The following HERC1 variants were observed in gnomAD, a reference collection of about 807,000 sequenced individuals.
The protein encoded by HERC1 is HECT and RLD domain containing E3 ubiquitin protein ligase family member 1, also known as probable E3 ubiquitin-protein ligase HERC1.
A neutral mutation model predicts 554.3 loss-of-function variants in HERC1; 160 were observed. The observed-to-expected ratio is 0.29, with a 90% CI of 0.25 to 0.33. HERC1 has a LOEUF of 0.33. Among genes scored for constraint, HERC1 ranks in the 10% least tolerant of loss-of-function variants. The probability of loss-of-function intolerance (pLI) is 1.00; values close to 1 mark genes in which losing one functional copy is unlikely to be tolerated. For synonymous variants in HERC1, 2,175 were observed against 2,131.7 expected, an observed-to-expected ratio of 1.02 and a Z score of -0.56; for missense variants, 4,919 against 5,918.5, an observed-to-expected ratio of 0.83 and a Z score of 5.54.
intron 55 of HERC1, among the ~76,000 whole-genome samples, chr15:63,646,535 CTCA>C (rs1294761445): frequency 5.3e-5 from 8 of 150,668 alleles, no homozygotes; most frequent in Non-Finnish European, 4.4e-5. Flanking sequence ...GGCACCGTGG[CTCA>C]CGCCCGTAAT....
At chr15:63,624,118 A>T (rs755085944) in intron 72 of HERC1, 40 bp downstream of exon 72, 1 of 1,538,624 alleles carries the variant, frequency 6.5e-7, no homozygotes. Flanking sequence ...CATCTGAAAA[A>T]ATCACAGCTC....
Position 63,661,903 on chromosome 15 carries a change from T to A in HERC1, c.9020A>T (p.Asn3007Ile), listed in dbSNP as rs2070377785. 5 of 1,613,966 alleles carry A rather than the reference T, an allele frequency of 3.1e-6. No individual in the cohort carries two copies. Reference protein sequence around the residue: ...RNHPGCGRSANRQGYRSNGSY... With the variant: ...RNHPGCGRSAIRQGYRSNGSY... ...ACCATTGCTGCGATAGCCCTGGCGG[T>A]TTGCACTGCGCCCACAGCCTGGATG... The change falls in exon 45 of 78, where the codon AAC becomes ATC. Residue 3007 changes from asparagine (N) to isoleucine (I), a missense_variant. Coordinates refer to ENST00000443617, the MANE Select transcript of HERC1 (RefSeq NM_003922.4).
Position 63,756,820 on chromosome 15 carries a change from T to C in HERC1, c.1222-72A>G. 1.1e-6 allele frequency: 1 copy of C among 886,848 alleles called. No homozygotes were observed. The highest frequency in any genetic ancestry group is 2.7e-5 in the East Asian group (1 of 37,640). The allele number at this position is 886,848 out of a possible 1,614,324, so 54.9% of individuals were successfully genotyped here. A position where few individuals can be genotyped will look rare whatever the true frequency, so the allele number is the denominator to read the frequency against. On this transcript the variant is annotated intron_variant, in intron 4 of 77. Coordinates refer to ENST00000443617, the MANE Select transcript of HERC1 (RefSeq NM_003922.4). This position sits in a 1 kb window ranked among gnomAD's most constrained non-coding sequence, Gnocchi z 5.0. ...AGTATAATATTTAAGGCTGGTTTTATCAAAGAGCCTCAAAGGAAGTCTTTT... is the reference window on the plus strand; with the variant it reads ...AGTATAATATTTAAGGCTGGTTTTACCAAAGAGCCTCAAAGGAAGTCTTTT...
chr15:63,691,580 AAATG>A (rs1447457740), intron 31 of HERC1, among the ~76,000 whole-genome samples: 5 of 152,232 alleles, frequency 3.3e-5, no homozygotes, highest in African/African-American at 9.6e-5. Context: ...AGTTGAAAAT[AAATG>A]AATATCTGAT....
chr15:63,772,047 G>A (rs989869269), intron 2 of HERC1, among the ~76,000 whole-genome samples: 9 of 151,896 alleles, frequency 5.9e-5, no homozygotes, highest in Admixed American at 4.6e-4. Context: ...ACTTGAACCC[G>A]GGAGGTGGAG....
intron 55 of HERC1, among the ~76,000 whole-genome samples, chr15:63,646,100 G>A (rs188006635): frequency 6.6e-6 from 1 of 152,282 alleles, no homozygotes; most frequent in East Asian, 1.9e-4. Flanking sequence ...TCTGGGATAT[G>A]TTTTGTGTTT....
At chr15:63,752,789 C>A in intron 8 of HERC1, 169 bp downstream of exon 8, 1 of 579,638 alleles carries the variant, frequency 1.7e-6, no homozygotes, top group Non-Finnish European at 2.8e-6. Context: ...GTTAGAAAAC[C>A]TGGTTCCTTC....
In HERC1 at chr15:63,678,051, G is replaced by A. The variant is rs114554616; in HGVS notation, c.6864C>T (p.Leu2288=). The A allele has an allele frequency of 2.7e-4, 431 of 1,614,014 alleles. 1 individual carries two copies. The African/African-American group carries it at 4.8e-3, about 18-fold the overall frequency. The change falls in exon 37 of 78, where the codon CTC becomes CTT. Residue 2288 remains leucine (L), a synonymous_variant. Coordinates refer to ENST00000443617, the MANE Select transcript of HERC1 (RefSeq NM_003922.4). ...TCAGCTGCAGCTCTGAGAGGTCAGC[G>A]AGGCCATGCCTAGTATGTTTACCTT... is the stretch of plus-strand genomic sequence containing the variant. ...EEKGKHTRHG[L]ADLSELQLRT...
intron 12 of HERC1, among the ~76,000 whole-genome samples, chr15:63,740,554 G>C (rs2074753204): frequency 6.6e-6 from 1 of 152,164 alleles, no homozygotes. Flanking sequence ...ATGCATGAAG[G>C]TTCTAATTTC....
At chr15:63,672,888 A>ACAGACAGT (rs2071009199) in intron 38 of HERC1, among the ~76,000 whole-genome samples, 194 bp from the exon 39 acceptor site, 1 of 152,220 alleles carries the variant, frequency 6.6e-6, no homozygotes, top group Non-Finnish European at 1.5e-5. Context: ...TGTACTCATT[A>ACAGACAGT]ATTCCAGACT....
chr15:63,662,014 C>T lies in HERC1; in HGVS notation c.8909G>A (p.Cys2970Tyr), dbSNP rs1420227711. 1 of 1,610,872 alleles carries T rather than the reference C, an allele frequency of 6.2e-7. No individual in the cohort carries two copies. The highest frequency in any genetic ancestry group is 8.5e-7 in the Non-Finnish European group (1 of 1,177,324). The change falls in exon 45 of 78, where the codon TGT (cysteine) becomes TAT (tyrosine). Residue 2970 changes from cysteine to tyrosine, a missense_variant. Cys to Tyr is a radical substitution (Grantham distance 194, BLOSUM62 -2). Transcript: ENST00000443617. Reference protein sequence around the residue: ...EVLDWPTWHVCESEDREEVVV... With the variant: ...EVLDWPTWHVYESEDREEVVV... ...CACTTCTTCCCTGTCTTCAGACTCACAAACATGCTGCACAAAAGGATTTCA... is the reference window on the plus strand; with the variant it reads ...CACTTCTTCCCTGTCTTCAGACTCATAAACATGCTGCACAAAAGGATTTCA...
chr15:63,680,138 T>A lies in HERC1; in HGVS notation c.6488A>T (p.Asp2163Val). 6.2e-7 allele frequency: 1 copy of A among 1,613,400 alleles called. No homozygotes were observed. Among genetic ancestry groups the A allele is most frequent in the Non-Finnish European group, 8.5e-7 (1 of 1,179,528 alleles). The change falls in exon 36 of 78, where the codon GAT becomes GTT. Residue 2163 changes from aspartate (D) to valine (V), a missense_variant. Physicochemically the swap from Asp to Val is radical, Grantham distance 152. Around this residue, in one of 11 missense-constraint regions of HERC1, gnomAD observed 85 missense variants for 163.2 expected, o/e 0.52. Coordinates refer to ENST00000443617, the MANE Select transcript of HERC1 (RefSeq NM_003922.4). The surrounding 1 kb of genome is among the most constrained non-coding windows in gnomAD (Gnocchi z 5.8). Reference protein sequence around the residue: ...NGEEPKLAFEDVDAAELYPCV... With the variant: ...NGEEPKLAFEVVDAAELYPCV... The stretch of plus-strand genomic sequence containing the variant: ...TGGGTACAACTCTGCTGCATCCACA[T>A]CTTCAAAAGCTAATTTGGGTTCCTA...
At chr15:63,630,317 G>T in intron 69 of HERC1, 149 bp downstream of exon 69, 1 of 830,504 alleles carries the variant, frequency 1.2e-6, no homozygotes, top group Non-Finnish European at 1.9e-6. Flanking sequence ...GACATAACTA[G>T]ACTTACAAAA....
In HERC1 at chr15:63,819,135, C is replaced by A. The variant is rs73444564; in HGVS notation, c.-27+14692G>T. Among the ~76,000 whole-genome samples, 803 of 152,180 alleles carry A rather than the reference C, an allele frequency of 5.3e-3. 3 individuals are homozygous for A. Among genetic ancestry groups the A allele is most frequent in the African/African-American group, 7.8e-3 (322 of 41,524 alleles). On this transcript the variant is annotated intron_variant, in intron 1 of 77. Coordinates refer to ENST00000443617, the MANE Select transcript of HERC1 (RefSeq NM_003922.4). Reference sequence around the variant, plus strand: ...CTGCAGTACCATATAACATAGAAGACCACTACTCATACTCTGGCAACTTTA... The same window carrying A: ...CTGCAGTACCATATAACATAGAAGAACACTACTCATACTCTGGCAACTTTA...
At chr15:63,799,534 T>C (rs1228745220) in intron 1 of HERC1, among the ~76,000 whole-genome samples, 1 of 150,304 alleles carries the variant, frequency 6.7e-6, no homozygotes, top group African/African-American at 2.4e-5. Context: ...AAAAGAAAAA[T>C]ATTGATCCTT....
At chr15:63,740,078 T>C (rs2074733663) in intron 12 of HERC1, among the ~76,000 whole-genome samples, 1 of 151,980 alleles carries the variant, frequency 6.6e-6, no homozygotes, top group Non-Finnish European at 1.5e-5. Context: ...ACTCAACTAA[T>C]TTTTGTATTT....
At chr15:63,736,649 C>G (rs796202699) in intron 12 of HERC1, among the ~76,000 whole-genome samples, 9 of 151,872 alleles carry the variant, frequency 5.9e-5, no homozygotes, top group African/African-American at 2.2e-4. Context: ...GCTCTTGTCA[C>G]CCAGGCTGGA....
chr15:63,644,780 A>G (rs1051541735), intron 57 of HERC1, among the ~76,000 whole-genome samples: 1 of 152,220 alleles, frequency 6.6e-6, no homozygotes, highest in Non-Finnish European at 1.5e-5. Flanking sequence ...TCACCACTTA[A>G]TATGTATAGA....
chr15:63,662,136 A>G, intron 44 of HERC1, 115 bp from the exon 45 acceptor site: 1 of 1,073,148 alleles, frequency 9.3e-7, no homozygotes, highest in African/African-American at 1.6e-5. Context: ...TATTTCCAAC[A>G]TGTTCATTAA....
Sources: gnomAD v4.1 joint callset for allele counts (sites outside exome capture counted in the v4.1 genomes callset) on GRCh38, gnomAD v4.1.1 for gene constraint, gnomAD v4.1.1 regional missense constraint, Gnocchi (gnomAD v3.1) non-coding constraint, MANE v1.5 for transcripts, NCBI Gene and HGNC (gene_info 2026-07-23, HGNC 2026-07-21) for gene names.